KHDRBS2: variants seen among roughly 807,000 people sequenced by gnomAD.
KHDRBS2 encodes the protein KH domain-containing, RNA-binding, signal transduction-associated protein 2.
KHDRBS2 carries 26 observed loss-of-function variants against 44.3 expected under a neutral mutation model. The observed-to-expected ratio is 0.59, with a 90% CI of 0.43 to 0.81. The LOEUF (loss-of-function observed/expected upper bound fraction) is 0.81. Ranked by LOEUF, KHDRBS2 falls within the 40% of genes least tolerant of loss-of-function variation. The probability of loss-of-function intolerance (pLI) is 0.00; values close to 1 mark genes in which losing one functional copy is unlikely to be tolerated. For synonymous variants in KHDRBS2, 194 were observed against 151.1 expected (o/e 1.28, Z -2.08); for missense variants, 476 against 433.1 (o/e 1.10, Z -0.88).
intron 1 of KHDRBS2, among the ~76,000 whole-genome samples, chr6:62,261,918 T>C (rs1838409919): frequency 6.6e-6 from 1 of 151,810 alleles, no homozygotes; most frequent in Non-Finnish European, 1.5e-5. Context: ...TGGAAATACA[T>C]GAGCGTATAC....
At chr6:62,040,242 C>G (rs984930458) in intron 3 of KHDRBS2, among the ~76,000 whole-genome samples, 1 of 151,974 alleles carries the variant, frequency 6.6e-6, no homozygotes, top group Non-Finnish European at 1.5e-5. Context: ...CCAACAGACA[C>G]ACGCATGCAC....
the KHDRBS2 span, among the ~76,000 whole-genome samples, chr6:61,556,733 T>G: frequency 1.3e-5 from 2 of 152,150 alleles, no homozygotes; most frequent in African/African-American, 2.4e-5. Context: ...AACTTTGGTG[T>G]CTGGTACAAG....
intron 2 of KHDRBS2, among the ~76,000 whole-genome samples, chr6:62,097,735 G>C (rs2127369848): frequency 1.3e-5 from 2 of 152,146 alleles, no homozygotes; most frequent in African/African-American, 4.8e-5. Flanking sequence ...TTACTGCTAA[G>C]TAAGGCCTTA....
At chr6:61,870,886 C>A (rs1798562773) in intron 6 of KHDRBS2, among the ~76,000 whole-genome samples, 1 of 152,150 alleles carries the variant, frequency 6.6e-6, no homozygotes, top group African/African-American at 2.4e-5. Flanking sequence ...TAGATAAATG[C>A]ACAAAGATGT....
intron 1 of KHDRBS2, among the ~76,000 whole-genome samples, chr6:62,221,402 T>C (rs1457307658): frequency 6.6e-6 from 1 of 152,170 alleles, no homozygotes; most frequent in Non-Finnish European, 1.5e-5. Flanking sequence ...ATTAGGACTA[T>C]AGTTACTAAT....
chr6:61,955,321 C>T (rs151254568), intron 4 of KHDRBS2, among the ~76,000 whole-genome samples: 3,487 of 134,550 alleles, frequency 0.026, 93 homozygotes, highest in Non-Finnish European at 0.037. Context: ...TATACATATA[C>T]GTGTATATAT....
intron 6 of KHDRBS2, among the ~76,000 whole-genome samples, chr6:61,837,283 G>T (rs1792844741): frequency 6.6e-6 from 1 of 151,976 alleles, no homozygotes; most frequent in South Asian, 2.1e-4. Flanking sequence ...TGTTTCAGTA[G>T]CTACTGAAAT....
chr6:62,075,938 A>T (rs1011565407), intron 2 of KHDRBS2, among the ~76,000 whole-genome samples: 11 of 150,934 alleles, frequency 7.3e-5, no homozygotes, highest in Non-Finnish European at 1.2e-4. Flanking sequence ...GCACCAAGGA[A>T]TTTTTTTGAT....
chr6:61,743,771 T>TC (rs528609380), intron 6 of KHDRBS2, among the ~76,000 whole-genome samples: 11,144 of 125,020 alleles, frequency 0.089, 1,002 homozygotes, highest in African/African-American at 0.22. Context: ...CTTAATGCTA[T>TC]CCCCCCCCTC....
chr6:62,241,445 T>TA (rs1295200895), intron 1 of KHDRBS2, among the ~76,000 whole-genome samples: 1 of 152,044 alleles, frequency 6.6e-6, no homozygotes, highest in Non-Finnish European at 1.5e-5. Flanking sequence ...AAGGAAATAA[T>TA]AAAATAAATT....
chr6:62,012,978 G>A (rs1269504034), intron 3 of KHDRBS2, among the ~76,000 whole-genome samples: 1 of 152,194 alleles, frequency 6.6e-6, no homozygotes, highest in East Asian at 1.9e-4. Context: ...AACATATGGT[G>A]TTGTGGAAGA....
chr6:61,560,213 CTT>C, the KHDRBS2 span, among the ~76,000 whole-genome samples: 8 of 152,000 alleles, frequency 5.3e-5, no homozygotes, highest in African/African-American at 1.7e-4. Context: ...TTTTTTTACT[CTT>C]GTTAAAAAAT....
At chr6:62,222,801 TC>T (rs1262238871) in intron 1 of KHDRBS2, among the ~76,000 whole-genome samples, 1 of 152,124 alleles carries the variant, frequency 6.6e-6, no homozygotes, top group African/African-American at 2.4e-5. Context: ...CAAAATAATC[TC>T]CTTTGAGTCC....
At chr6:62,087,903 T>C (rs551476412) in intron 2 of KHDRBS2, among the ~76,000 whole-genome samples, 1 of 152,328 alleles carries the variant, frequency 6.6e-6, no homozygotes, top group East Asian at 1.9e-4. Flanking sequence ...TTTCATTCTT[T>C]TTTCTCTAAT....
chr6:61,604,377 G>T, the KHDRBS2 span, among the ~76,000 whole-genome samples: 13 of 152,094 alleles, frequency 8.5e-5, no homozygotes, highest in African/African-American at 2.9e-4. Context: ...ATCCCTCATG[G>T]CAGTTTTTCT....
At chr6:61,564,099 G>A in the KHDRBS2 span, among the ~76,000 whole-genome samples, 1 of 152,066 alleles carries the variant, frequency 6.6e-6, no homozygotes, top group Non-Finnish European at 1.5e-5. Flanking sequence ...AGTTGTCTCT[G>A]TTAAATGCCT....
intron 3 of KHDRBS2, among the ~76,000 whole-genome samples, chr6:62,041,759 C>T (rs911229799): frequency 4.2e-4 from 64 of 152,148 alleles, no homozygotes; most frequent in African/African-American, 1.5e-3. Flanking sequence ...CGAATAAAAT[C>T]AGATGAGAGG....
intron 3 of KHDRBS2, among the ~76,000 whole-genome samples, chr6:61,987,761 A>G (rs1054354741): frequency 2.6e-5 from 4 of 152,200 alleles, no homozygotes; most frequent in Non-Finnish European, 4.4e-5. Flanking sequence ...ATGGATGCAT[A>G]TAAGTGCATG....
chr6:61,543,828 G>T, the KHDRBS2 span, among the ~76,000 whole-genome samples: 2 of 152,060 alleles, frequency 1.3e-5, no homozygotes, highest in African/African-American at 4.8e-5. Context: ...AGGTCATTTT[G>T]TTAAGTGAGA....
Sources: allele counts gnomAD v4.1 joint callset (sites outside exome capture counted in the v4.1 genomes callset), GRCh38; gene constraint gnomAD v4.1.1; transcripts MANE v1.5; gene names NCBI Gene and HGNC (gene_info 2026-07-23, HGNC 2026-07-21).